The following ADGRL3 variants were observed in gnomAD, a reference collection of about 807,000 sequenced individuals.
ADGRL3 encodes adhesion G protein-coupled receptor L3.
Under a neutral mutation model 153.5 loss-of-function variants are expected in ADGRL3, and 62 were observed. The ratio of observed to expected loss-of-function variants is 0.40; its 90% CI spans 0.33 to 0.50. The LOEUF (loss-of-function observed/expected upper bound fraction) is 0.50, where lower values mean the gene tolerates loss of function less well. Among genes scored for constraint, ADGRL3 ranks in the 20% least tolerant of loss-of-function variants. The pLI, the probability that ADGRL3 is intolerant of heterozygous loss-of-function variation, is 0.47. For synonymous variants in ADGRL3, 710 were observed against 672.5 expected, an observed-to-expected ratio of 1.06 and a Z score of -0.86; for missense variants, 1,641 against 1,859.4, an observed-to-expected ratio of 0.88 and a Z score of 2.16.
intron 5 of ADGRL3, among the ~76,000 whole-genome samples, chr4:61,605,089 C>CAAAAAA (rs71211396): frequency 8.5e-4 from 52 of 61,382 alleles, no homozygotes; most frequent in East Asian, 1.7e-3. Flanking sequence ...GACTCTGTCT[C>CAAAAAA]AAAAAAAAAA....
intron 2 of ADGRL3, among the ~76,000 whole-genome samples, chr4:61,399,567 G>A (rs1408962578): frequency 6.6e-6 from 1 of 151,516 alleles, no homozygotes; most frequent in Non-Finnish European, 1.5e-5. Context: ...AGTAGAAGTT[G>A]TCAACAAATA....
At chr4:61,328,770 C>G (rs745408385) in intron 1 of ADGRL3, among the ~76,000 whole-genome samples, 3 of 152,050 alleles carry the variant, frequency 2.0e-5, no homozygotes, top group Non-Finnish European at 4.4e-5. Context: ...CAATTGGCCT[C>G]TTTTTATACT....
intron 5 of ADGRL3, among the ~76,000 whole-genome samples, chr4:61,601,811 TA>T (rs1238982272): frequency 1.3e-5 from 2 of 152,170 alleles, no homozygotes; most frequent in Non-Finnish European, 2.9e-5. Context: ...AATAAATTTA[TA>T]TCTTCCTTTA....
chr4:61,785,228 G>T (rs1179661947), intron 8 of ADGRL3, among the ~76,000 whole-genome samples: 1 of 152,138 alleles, frequency 6.6e-6, no homozygotes, highest in African/African-American at 2.4e-5. Flanking sequence ...CTTCCTAAAA[G>T]GAGCATGATC....
chr4:61,379,536 A>T (rs928888283), intron 1 of ADGRL3, among the ~76,000 whole-genome samples: 3 of 152,162 alleles, frequency 2.0e-5, no homozygotes, highest in African/African-American at 7.2e-5. Context: ...CTTTTTAAAA[A>T]ATATCACTGT....
intron 8 of ADGRL3, among the ~76,000 whole-genome samples, chr4:61,746,417 CA>C (rs2096662357): frequency 6.6e-6 from 1 of 152,086 alleles, no homozygotes; most frequent in Admixed American, 6.6e-5. Context: ...TTTTTCAGCA[CA>C]AAACCACACC....
At chr4:61,220,932 T>G (rs12500122) in intron 1 of ADGRL3, among the ~76,000 whole-genome samples, 24,267 of 152,214 alleles carry the variant, frequency 0.16, 2,490 homozygotes, top group East Asian at 0.48. Context: ...ATATGGACTG[T>G]AAAATACAGT....
chr4:61,909,375 C>T (rs1417669358), intron 11 of ADGRL3, among the ~76,000 whole-genome samples, 185 bp from the exon 12 acceptor site: 1 of 152,088 alleles, frequency 6.6e-6, no homozygotes, highest in Non-Finnish European at 1.5e-5. Context: ...CGTTTAAAGT[C>T]AAGTTTTCAA....
intron 4 of ADGRL3, among the ~76,000 whole-genome samples, chr4:61,518,689 T>G (rs1301197399): frequency 6.6e-6 from 1 of 152,204 alleles, no homozygotes; most frequent in East Asian, 1.9e-4. Context: ...AGATTGGCCT[T>G]TCTGCCTTGT....
Position 61,551,428 on chromosome 4 carries a change from T to G in ADGRL3, c.259+33910T>G, listed in dbSNP as rs865963911. Among the ~76,000 whole-genome samples the G allele has an allele frequency of 2.0e-5, 3 of 152,146 alleles. No individual in the cohort carries two copies. The South Asian group carries it at 6.2e-4, about 31-fold the overall frequency. The stretch of plus-strand genomic sequence containing the variant: ...GTATTTTTATGTTAAAAAAGTGTTT[T>G]GATTATTTTTCTCATACATCAAAAC... On this transcript the variant is annotated intron_variant, in intron 4 of 26. Coordinates refer to ENST00000683033, the MANE Select transcript of ADGRL3 (RefSeq NM_001387552.1).
intron 13 of ADGRL3, among the ~76,000 whole-genome samples, chr4:61,925,467 G>A (rs2098790403): frequency 6.6e-6 from 1 of 152,110 alleles, no homozygotes; most frequent in Non-Finnish European, 1.5e-5. Flanking sequence ...GAATACCTGA[G>A]CCTGGGTAAT....
At chr4:61,553,213 C>G (rs1357602168) in intron 4 of ADGRL3, among the ~76,000 whole-genome samples, 1 of 152,144 alleles carries the variant, frequency 6.6e-6, no homozygotes, top group Non-Finnish European at 1.5e-5. Flanking sequence ...ATAAGTGAAA[C>G]AGCTATTATT....
intron 8 of ADGRL3, among the ~76,000 whole-genome samples, chr4:61,786,076 T>C (rs960679249): frequency 1.3e-5 from 2 of 152,138 alleles, no homozygotes; most frequent in African/African-American, 4.8e-5. Flanking sequence ...TCTAAGACAG[T>C]TATATATACT....
At chr4:61,513,501 A>T (rs954544477) in intron 3 of ADGRL3, among the ~76,000 whole-genome samples, 8 of 152,118 alleles carry the variant, frequency 5.3e-5, no homozygotes, top group African/African-American at 1.4e-4. Flanking sequence ...TTTGATATTT[A>T]AGAGACATGA....
At chr4:61,571,731 T>C (rs2098839879) in intron 4 of ADGRL3, among the ~76,000 whole-genome samples, 1 of 152,200 alleles carries the variant, frequency 6.6e-6, no homozygotes, top group Non-Finnish European at 1.5e-5. Context: ...AATAGAACAT[T>C]GACTAATCAT....
intron 5 of ADGRL3, among the ~76,000 whole-genome samples, chr4:61,640,910 T>C (rs1361687360): frequency 6.6e-6 from 1 of 152,334 alleles, no homozygotes; most frequent in Non-Finnish European, 1.5e-5. Context: ...AATATTCTTC[T>C]AATACTCAGT....
intron 2 of ADGRL3, among the ~76,000 whole-genome samples, chr4:61,470,236 A>G (rs1257749260): frequency 6.6e-6 from 1 of 152,020 alleles, no homozygotes; most frequent in Non-Finnish European, 1.5e-5. Flanking sequence ...TGAGCATTCC[A>G]GAAATCAGTC....
chr4:61,759,413 T>C (rs1019428817), intron 8 of ADGRL3, among the ~76,000 whole-genome samples: 2 of 152,202 alleles, frequency 1.3e-5, no homozygotes, highest in African/African-American at 4.8e-5. Context: ...TCGCTTCATT[T>C]CATTCTTTTG....
At chr4:61,314,300 C>A (rs576169837) in intron 1 of ADGRL3, among the ~76,000 whole-genome samples, 4 of 151,842 alleles carry the variant, frequency 2.6e-5, no homozygotes, top group African/African-American at 7.2e-5. Context: ...ACCTCCGCCT[C>A]CTGGGTTCAA....
Sources: gnomAD v4.1 joint callset for allele counts (sites outside exome capture counted in the v4.1 genomes callset) on GRCh38, gnomAD v4.1.1 for gene constraint, MANE v1.5 for transcripts, NCBI Gene and HGNC (gene_info 2026-07-23, HGNC 2026-07-21) for gene names.